CNTN5: variants seen among roughly 807,000 people sequenced by gnomAD.
CNTN5 encodes the protein contactin 5, also known as contactin-5.
A neutral mutation model predicts 129.1 loss-of-function variants in CNTN5; 77 were observed. The observed-to-expected ratio is 0.60, with a 90% CI of 0.50 to 0.72. CNTN5 has a LOEUF of 0.72. Ranked by LOEUF, CNTN5 falls within the 30% of genes least tolerant of loss-of-function variation. CNTN5 has a pLI of 0.00. For synonymous variants in CNTN5, 509 were observed against 465.6 expected, an observed-to-expected ratio of 1.09 and a Z score of -1.20; for missense variants, 1,478 against 1,328.8, an observed-to-expected ratio of 1.11 and a Z score of -1.75.
rs896893457 is a variant in CNTN5 at position 99,775,526 on chromosome 11, A to C, written c.56-44018A>C. 2.0e-5 allele frequency among the ~76,000 whole-genome samples: 3 copies of C among 152,062 alleles called. No individual in the cohort carries two copies. In the East Asian group the frequency reaches 5.8e-4, roughly 29 times the overall value. ...GGTCAAACAAAAACCTCATAACTTTAAAAAACAAATGAGAGAAAGAAAGAA... is the reference window on the plus strand; with the variant it reads ...GGTCAAACAAAAACCTCATAACTTTCAAAAACAAATGAGAGAAAGAAAGAA... On this transcript the variant is annotated intron_variant, in intron 3 of 24. Coordinates refer to ENST00000524871, the MANE Select transcript of CNTN5 (RefSeq NM_014361.4).
chr11:99,672,338 G>C (rs1178796464), intron 3 of CNTN5, among the ~76,000 whole-genome samples: 2 of 151,848 alleles, frequency 1.3e-5, no homozygotes, highest in Non-Finnish European at 2.9e-5. Context: ...TTCTTAGTAG[G>C]CTTGACTTGC....
chr11:99,142,877 C>T (rs919617424), intron 1 of CNTN5, among the ~76,000 whole-genome samples: 1 of 152,118 alleles, frequency 6.6e-6, no homozygotes, highest in Non-Finnish European at 1.5e-5. Flanking sequence ...TGAGACTGAG[C>T]CATTCATGTC....
chr11:99,774,449 C>T, intron 3 of CNTN5, among the ~76,000 whole-genome samples: 1 of 148,610 alleles, frequency 6.7e-6, no homozygotes, highest in Non-Finnish European at 1.5e-5. Context: ...AAGATAGAAA[C>T]AACTTTAATC....
rs1381463305 is a variant in CNTN5 at position 100,342,805 on chromosome 11, T to TC, written c.3030+1601dup. Among the ~76,000 whole-genome samples the TC allele has an allele frequency of 3.3e-5, 5 of 152,206 alleles. No homozygotes were observed. The East Asian group carries it at 9.6e-4, about 29-fold the overall frequency. On this transcript the variant is annotated intron_variant, in intron 23 of 24. Coordinates refer to ENST00000524871, the MANE Select transcript of CNTN5 (RefSeq NM_014361.4). Reference sequence around the variant, plus strand: ...GTGTATTATCAAATATGTATTTTTTTCTAGCATAACCTTGCCATTTGTTGT... The same window carrying TC: ...GTGTATTATCAAATATGTATTTTTTTCCTAGCATAACCTTGCCATTTGTTGT...
intron 3 of CNTN5, among the ~76,000 whole-genome samples, chr11:99,763,342 G>A (rs79688020): frequency 6.6e-6 from 1 of 151,926 alleles, no homozygotes. Context: ...CCAAACAAAA[G>A]GATAATCATA....
intron 13 of CNTN5, among the ~76,000 whole-genome samples, chr11:100,158,112 GTTC>G (rs1947318768): frequency 6.6e-6 from 1 of 151,832 alleles, no homozygotes; most frequent in African/African-American, 2.4e-5. Flanking sequence ...AGGAAATTTT[GTTC>G]TTCAAGTGCC....
At position 99,445,078 on chromosome 11, in the gene CNTN5, TTATATTTATATTTG is replaced by T. The variant is rs775044763; in HGVS notation, c.-70-111055_-70-111042del. ...CATTTATATATTTATATATACACAATTATATTTATATTTGTATATTTATATATGTATATTTATAT... is the reference window on the plus strand; with the variant it reads ...CATTTATATATTTATATATACACAATTATATTTATATATGTATATTTATAT... On this transcript the variant is annotated intron_variant, in intron 2 of 24. Coordinates refer to ENST00000524871, the MANE Select transcript of CNTN5 (RefSeq NM_014361.4). Among the ~76,000 whole-genome samples, 151 of 148,348 alleles carry T rather than the reference TTATATTTATATTTG, an allele frequency of 1.0e-3. 2 individuals carry two copies. Among genetic ancestry groups the T allele is most frequent in the Non-Finnish European group, 1.2e-3 (78 of 67,262 alleles).
At chr11:99,558,479 T>C (rs1208827039) in intron 3 of CNTN5, 1 of 179,056 alleles carries the variant, frequency 5.6e-6, no homozygotes, top group East Asian at 1.6e-4. Flanking sequence ...TGCTTTTATT[T>C]ATTAATCTGA....
intron 13 of CNTN5, among the ~76,000 whole-genome samples, chr11:100,154,259 G>T (rs1293468652): frequency 6.6e-6 from 1 of 152,058 alleles, no homozygotes; most frequent in Admixed American, 6.6e-5. Flanking sequence ...CGTCATCCAT[G>T]TCCCTGCAAA....
chr11:100,206,032 A>T (rs1366172981), intron 15 of CNTN5, among the ~76,000 whole-genome samples: 2 of 152,128 alleles, frequency 1.3e-5, no homozygotes, highest in Non-Finnish European at 2.9e-5. Context: ...ACTGAAGTAA[A>T]GCACTGTCTT....
intron 2 of CNTN5, among the ~76,000 whole-genome samples, chr11:99,364,604 A>G (rs1255246453): frequency 6.6e-6 from 1 of 152,160 alleles, no homozygotes; most frequent in African/African-American, 2.4e-5. Context: ...CATTTTAACC[A>G]TTAATACTGT....
chr11:100,127,367 G>A (rs1374426423), intron 13 of CNTN5, among the ~76,000 whole-genome samples: 2 of 151,928 alleles, frequency 1.3e-5, no homozygotes, highest in Admixed American at 1.3e-4. Flanking sequence ...TTTGAAAGCA[G>A]TTATACGTTC....
intron 2 of CNTN5, among the ~76,000 whole-genome samples, chr11:99,330,423 G>T (rs1392434147): frequency 6.6e-6 from 1 of 152,088 alleles, no homozygotes; most frequent in Non-Finnish European, 1.5e-5. Context: ...TAAATGATTA[G>T]AAAATGGAAT....
chr11:99,225,825 GTTTAT>G (rs1375732602), intron 1 of CNTN5, among the ~76,000 whole-genome samples: 1 of 152,036 alleles, frequency 6.6e-6, no homozygotes, highest in South Asian at 2.1e-4. Context: ...ATTTTGTTCT[GTTTAT>G]TTTATTTCAT....
At chr11:99,786,387 A>T (rs1259132873) in intron 3 of CNTN5, among the ~76,000 whole-genome samples, 2 of 151,686 alleles carry the variant, frequency 1.3e-5, no homozygotes, top group African/African-American at 4.8e-5. Flanking sequence ...TTCCATGCCC[A>T]TGGATAGGAA....
chr11:99,983,963 CATAAGAA>C (rs1938511933), intron 8 of CNTN5, among the ~76,000 whole-genome samples: 1 of 152,050 alleles, frequency 6.6e-6, no homozygotes, highest in Non-Finnish European at 1.5e-5. Context: ...TGATTGGTAT[CATAAGAA>C]ATAAACAATT....
At chr11:100,054,428 C>CTCAT (rs1565832812) in intron 9 of CNTN5, among the ~76,000 whole-genome samples, 2 of 151,798 alleles carry the variant, frequency 1.3e-5, no homozygotes, top group African/African-American at 4.8e-5. Flanking sequence ...TTTTCCTGAG[C>CTCAT]TCATGTCTTT....
chr11:99,690,835 TAAC>T (rs142202207), intron 3 of CNTN5, among the ~76,000 whole-genome samples: 6,845 of 152,224 alleles, frequency 0.045, 214 homozygotes, highest in South Asian at 0.092. Flanking sequence ...GTAGAAATGA[TAAC>T]AACTCTTTTT....
chr11:100,234,792 TAAAAAA>T (rs781363668), intron 16 of CNTN5, among the ~76,000 whole-genome samples: 3 of 102,066 alleles, frequency 2.9e-5, no homozygotes, highest in Admixed American at 1.1e-4. Context: ...TCCCAGAATT[TAAAAAA>T]AAAAAAAAAA....
Sources: gnomAD v4.1 joint callset for allele counts (sites outside exome capture counted in the v4.1 genomes callset) on GRCh38, gnomAD v4.1.1 for gene constraint, MANE v1.5 for transcripts, NCBI Gene and HGNC (gene_info 2026-07-23, HGNC 2026-07-21) for gene names.